ZDHHC14: variants seen among roughly 807,000 people sequenced by gnomAD.
The protein encoded by ZDHHC14 is zDHHC palmitoyltransferase 14, also known as palmitoyltransferase ZDHHC14.
In ZDHHC14, 16 loss-of-function variants were observed where a neutral mutation model predicts 47.7. The ratio of observed to expected loss-of-function variants is 0.34; its 90% CI spans 0.23 to 0.51. The LOEUF is 0.51. Ranked by LOEUF, ZDHHC14 falls within the 20% of genes least tolerant of loss-of-function variation. The probability of loss-of-function intolerance (pLI) is 0.97; values close to 1 mark genes in which losing one functional copy is unlikely to be tolerated. For missense variants in ZDHHC14, 515 were observed against 662.5 expected (o/e 0.78, Z 2.44); for synonymous variants, 293 against 278.9 (o/e 1.05, Z -0.50).
chr6:157,418,130 A>C (rs1194877792), intron 1 of ZDHHC14, among the ~76,000 whole-genome samples: 2 of 152,088 alleles, frequency 1.3e-5, no homozygotes, highest in South Asian at 4.1e-4. Context: ...ACATCAGGAA[A>C]AGGTGAGGCC....
intron 5 of ZDHHC14, among the ~76,000 whole-genome samples, chr6:157,636,590 A>G (rs1465414056): frequency 6.6e-6 from 1 of 152,128 alleles, no homozygotes; most frequent in African/African-American, 2.4e-5. Context: ...TGCCTGGGAA[A>G]AGGAGACTTA....
chr6:157,505,542 G>A (rs1325316211), intron 1 of ZDHHC14, among the ~76,000 whole-genome samples: 4 of 152,190 alleles, frequency 2.6e-5, no homozygotes, highest in South Asian at 2.1e-4. Flanking sequence ...AAAGTAAGAG[G>A]AAGCCATGCC....
rs1229715930 is a variant in ZDHHC14, at chr6:157,463,504, C to T, written c.246-79081C>T. Among the ~76,000 whole-genome samples the T allele has an allele frequency of 6.6e-6, 1 of 152,138 alleles. No individual in the cohort carries two copies. The highest frequency in any genetic ancestry group is 1.5e-5 in the Non-Finnish European group (1 of 68,028). On this transcript the variant is annotated intron_variant, in intron 1 of 8. Coordinates refer to ENST00000359775, the MANE Select transcript of ZDHHC14 (RefSeq NM_024630.3). This position sits in a 1 kb window ranked among gnomAD's most constrained non-coding sequence, Gnocchi z 4.4. ...GTGCTGTGCTCTCTATCACCCCCAA[C>T]TCTTCACCAGAGGGGTTGACAGTGA...
At chr6:157,442,929 T>TTCCTC (rs1357130011) in intron 1 of ZDHHC14, among the ~76,000 whole-genome samples, 6 of 152,162 alleles carry the variant, frequency 3.9e-5, no homozygotes, top group Non-Finnish European at 7.4e-5. Context: ...AGGTAGTCAT[T>TTCCTC]TCCTCTGTTA....
At chr6:157,393,733 T>A (rs1321001353) in intron 1 of ZDHHC14, among the ~76,000 whole-genome samples, 1 of 152,214 alleles carries the variant, frequency 6.6e-6, no homozygotes, top group Non-Finnish European at 1.5e-5. Flanking sequence ...TTTTGAAACT[T>A]TTTCTTCCTT....
intron 1 of ZDHHC14, among the ~76,000 whole-genome samples, chr6:157,524,278 C>T (rs778601234): frequency 2.6e-5 from 4 of 152,086 alleles, no homozygotes; most frequent in Admixed American, 6.6e-5. Context: ...GGACTACAAG[C>T]GTGTGCCACC....
At chr6:157,415,700 C>T (rs1048808958) in intron 1 of ZDHHC14, among the ~76,000 whole-genome samples, 2 of 151,940 alleles carry the variant, frequency 1.3e-5, no homozygotes, top group Non-Finnish European at 2.9e-5. Context: ...CATGGTGAAA[C>T]CCCGTCTCTA....
At chr6:157,456,406 C>A (rs994490456) in intron 1 of ZDHHC14, among the ~76,000 whole-genome samples, 7 of 152,226 alleles carry the variant, frequency 4.6e-5, no homozygotes, top group Non-Finnish European at 7.3e-5. Flanking sequence ...GGCCTAGAGT[C>A]CAGGCTCTCC....
chr6:157,536,790 T>C lies in ZDHHC14; in HGVS notation c.246-5795T>C, dbSNP rs111939753. ...TTATATCTATCTATCTGTCTGCCTG[T>C]CTGTCTGTCTATCTATCCCTCCATC... On this transcript the variant is annotated intron_variant, in intron 1 of 8. Coordinates refer to ENST00000359775, the MANE Select transcript of ZDHHC14 (RefSeq NM_024630.3). Among the ~76,000 whole-genome samples, 62 of 136,270 alleles carry C rather than the reference T, an allele frequency of 4.5e-4. 1 individual carries two copies. Among genetic ancestry groups the C allele is most frequent in the African/African-American group, 2.0e-3 (59 of 29,370 alleles). 89.4% of individuals were successfully genotyped at this position (136,270 alleles called of 152,430 possible).
chr6:157,413,733 T>G lies in ZDHHC14; in HGVS notation c.245+31467T>G, dbSNP rs140051354. On this transcript the variant is annotated intron_variant, in intron 1 of 8. Transcript: ENST00000359775. ...GCCTGTCTCCATGGAGCCTCAAAACTCCTTTCTACCCACAGCAACTTCTTT... is the reference window on the plus strand; with the variant it reads ...GCCTGTCTCCATGGAGCCTCAAAACGCCTTTCTACCCACAGCAACTTCTTT... 2.0e-3 allele frequency among the ~76,000 whole-genome samples: 309 copies of G among 152,100 alleles called. 1 individual carries two copies. Among genetic ancestry groups the G allele is most frequent in the Non-Finnish European group, 3.8e-3 (260 of 67,980 alleles).
chr6:157,663,679 G>A (rs1778434334), intron 8 of ZDHHC14, among the ~76,000 whole-genome samples: 1 of 152,168 alleles, frequency 6.6e-6, no homozygotes, highest in Non-Finnish European at 1.5e-5. Context: ...ACAGGACTGT[G>A]GAAAGCACGC....
intron 1 of ZDHHC14, among the ~76,000 whole-genome samples, chr6:157,522,858 C>T (rs548599004): frequency 0.034 from 1,347 of 40,088 alleles, 23 homozygotes; most frequent in African/African-American, 0.043. Context: ...CCTTTCCTCC[C>T]TTCTTCCCTT....
At chr6:157,592,664 C>T in intron 2 of ZDHHC14, 2 of 912,182 alleles carry the variant, frequency 2.2e-6, no homozygotes, top group Non-Finnish European at 1.4e-6. Context: ...TGGCCTGGGG[C>T]CTCTCCTGCC....
Position 157,623,141 on chromosome 6 carries a change from G to A in ZDHHC14, c.566-5208G>A, listed in dbSNP as rs140996758. Among the ~76,000 whole-genome samples the A allele has an allele frequency of 3.6e-3, 543 of 152,258 alleles. 4 individuals carry two copies. The highest frequency in any genetic ancestry group is 0.012 in the African/African-American group (502 of 41,546). ...TTCCATTCACCAGCTGGCTCTTAGG[G>A]AGTAGCTCCTCATCTTTTGATATGG... On this transcript the variant is annotated intron_variant, in intron 3 of 8. Coordinates refer to ENST00000359775, the MANE Select transcript of ZDHHC14 (RefSeq NM_024630.3).
chr6:157,498,379 G>A (rs1476618012), intron 1 of ZDHHC14, among the ~76,000 whole-genome samples: 1 of 152,048 alleles, frequency 6.6e-6, no homozygotes, highest in African/African-American at 2.4e-5. Context: ...TGGCTGAGGA[G>A]AGTGTCCAGG....
chr6:157,477,101 G>A (rs111581058), intron 1 of ZDHHC14, among the ~76,000 whole-genome samples: 3,608 of 152,270 alleles, frequency 0.024, 70 homozygotes, highest in Middle Eastern at 0.051. Context: ...GGAAAATAAG[G>A]CTGGGCGCAG....
At chr6:157,479,932 G>A (rs546278097) in intron 1 of ZDHHC14, among the ~76,000 whole-genome samples, 87 of 152,290 alleles carry the variant, frequency 5.7e-4, no homozygotes, top group Non-Finnish European at 1.1e-3. Flanking sequence ...AGCCCTTGCT[G>A]GGTTAGACTC....
At chr6:157,416,988 T>TTTG (rs1562416895) in intron 1 of ZDHHC14, among the ~76,000 whole-genome samples, 1 of 135,496 alleles carries the variant, frequency 7.4e-6, no homozygotes, top group African/African-American at 2.8e-5. Flanking sequence ...TTTTTTTTTT[T>TTTG]TTTTTTTTTT....
intron 3 of ZDHHC14, among the ~76,000 whole-genome samples, chr6:157,602,437 C>T (rs1451210866): frequency 6.7e-6 from 1 of 149,718 alleles, no homozygotes; most frequent in Non-Finnish European, 1.5e-5. Context: ...TTGCAGTGAG[C>T]CGAGATGGCA....
Sources: gnomAD v4.1 joint callset for allele counts (sites outside exome capture counted in the v4.1 genomes callset) on GRCh38, gnomAD v4.1.1 for gene constraint, Gnocchi (gnomAD v3.1) non-coding constraint, MANE v1.5 for transcripts, NCBI Gene and HGNC (gene_info 2026-07-23, HGNC 2026-07-21) for gene names.